The following NFATC2IP variants were observed in gnomAD, a reference collection of about 807,000 sequenced individuals.
NFATC2IP encodes nuclear factor of activated T cells 2 interacting protein, also known as NFATC2-interacting protein.
Under a neutral mutation model 40.2 loss-of-function variants are expected in NFATC2IP, and 25 were observed. The ratio of observed to expected loss-of-function variants is 0.62; its 90% CI spans 0.45 to 0.87. NFATC2IP has a LOEUF of 0.87. Ranked by LOEUF, NFATC2IP falls within the 40% of genes least tolerant of loss-of-function variation. The probability of loss-of-function intolerance (pLI) is 0.00; values close to 1 mark genes in which losing one functional copy is unlikely to be tolerated. For missense variants in NFATC2IP, 553 were observed against 555.6 expected (o/e 1.00, Z 0.05); for synonymous variants, 241 against 236.3 (o/e 1.02, Z -0.18).
At chr16:28,958,541 G>T in intron 5 of NFATC2IP, 176 bp from the exon 6 acceptor site, 1 of 585,680 alleles carries the variant, frequency 1.7e-6, no homozygotes, top group Non-Finnish European at 3.1e-6. Flanking sequence ...TGTGTTACTC[G>T]CCTGTACCCC....
At chr16:28,962,829 T>C (rs1965101387) in intron 7 of NFATC2IP, among the ~76,000 whole-genome samples, 1 of 152,154 alleles carries the variant, frequency 6.6e-6, no homozygotes, top group Admixed American at 6.6e-5. Flanking sequence ...TGCACTCCAT[T>C]CTGCCTCTGT....
rs1195051729 is a variant in NFATC2IP, at chr16:28,967,009, C to T, written c.*3146C>T. The T allele has an allele frequency of 6.6e-6, 1 of 152,098 alleles. No homozygotes were observed. Among genetic ancestry groups the T allele is most frequent in the African/African-American group, 2.4e-5 (1 of 41,428 alleles). The allele number at this position is 152,098 out of a possible 1,614,324, so 9.4% of individuals were successfully genotyped here. On this transcript the variant is annotated 3_prime_UTR_variant, in exon 8 of 8. Transcript: ENST00000320805. Reference sequence around the variant, plus strand: ...GACATGGTACAGCTCTTCACTTTTTCAGCTTTTTAAATGTCCATTAATAAG... The same window carrying T: ...GACATGGTACAGCTCTTCACTTTTTTAGCTTTTTAAATGTCCATTAATAAG...
At chr16:28,958,234 G>A (rs1191203366) in intron 5 of NFATC2IP, among the ~76,000 whole-genome samples, 3 of 151,936 alleles carry the variant, frequency 2.0e-5, no homozygotes, top group African/African-American at 7.3e-5. Context: ...TGGATCACCC[G>A]AATTCAAGAG....
intron 5 of NFATC2IP, among the ~76,000 whole-genome samples, chr16:28,958,085 A>G (rs1387747291): frequency 2.0e-5 from 3 of 150,924 alleles, no homozygotes; most frequent in Non-Finnish European, 2.9e-5. Flanking sequence ...CCTGGCCAAT[A>G]TGGTGAAGCC....
chr16:28,953,605 C>T (rs570891630), intron 2 of NFATC2IP, among the ~76,000 whole-genome samples: 27 of 152,178 alleles, frequency 1.8e-4, no homozygotes, highest in South Asian at 8.3e-4. Context: ...ATATGGCATC[C>T]GTTGGAAGCT....
chr16:28,962,530 G>C (rs1965099072), intron 7 of NFATC2IP, among the ~76,000 whole-genome samples: 1 of 152,094 alleles, frequency 6.6e-6, no homozygotes, highest in Non-Finnish European at 1.5e-5. Context: ...GGAGGTTGAG[G>C]GGTGGGGAAA....
Position 28,951,049 on chromosome 16 carries a change from G to C in NFATC2IP, c.38G>C (p.Gly13Ala). 1 of 1,544,936 alleles carries C rather than the reference G, an allele frequency of 6.5e-7. No individual in the cohort carries two copies. Among genetic ancestry groups the C allele is most frequent in the Non-Finnish European group, 8.7e-7 (1 of 1,146,750 alleles). ...GTGGGGAAGCGGGGCCGCTGGTCCG[G>C]AGGTAGCGGTGCCGGCCGAGGGGGT... is the stretch of plus-strand genomic sequence containing the variant. ...EPVGKRGRWSGGSGAGRGGRG... is the reference protein window; with the variant it reads ...EPVGKRGRWSAGSGAGRGGRG... Residue 13 changes from glycine (G) to alanine (A), a missense_variant, in exon 1 of 8, where the codon GGA becomes GCA. Gly to Ala is a moderately conservative substitution (Grantham distance 60). Transcript: ENST00000320805.
chr16:28,952,432 C>A lies in NFATC2IP; in HGVS notation c.460+228C>A, dbSNP rs897926994. The A allele has an allele frequency of 1.3e-5, 8 of 615,762 alleles. 1 individual carries two copies. The highest frequency in any genetic ancestry group is 2.6e-6 in the Non-Finnish European group (1 of 378,644). The allele number at this position is 615,762 out of a possible 1,614,324, so 38.1% of individuals were successfully genotyped here. A position where few individuals can be genotyped will look rare whatever the true frequency, so the allele number is the denominator to read the frequency against. ...GAGATGCTGATTCTGTAGTCCTGGGCGGGGCAGGAGGCGGTAAGGTGTTGA... is the reference window on the plus strand; with the variant it reads ...GAGATGCTGATTCTGTAGTCCTGGGAGGGGCAGGAGGCGGTAAGGTGTTGA... On this transcript the variant is annotated intron_variant, in intron 2 of 7. Coordinates refer to ENST00000320805, the MANE Select transcript of NFATC2IP (RefSeq NM_032815.4).
intron 7 of NFATC2IP, among the ~76,000 whole-genome samples, chr16:28,961,961 T>C (rs1313130828): frequency 1.4e-5 from 2 of 142,690 alleles, no homozygotes; most frequent in African/African-American, 5.1e-5. Flanking sequence ...TGGAGTGCAG[T>C]GGTGCGATCT....
intron 7 of NFATC2IP, 30 bp from the exon 8 acceptor site, chr16:28,963,675 T>A: frequency 6.2e-7 from 1 of 1,609,682 alleles, no homozygotes; most frequent in East Asian, 2.2e-5. Context: ...TTTCATGTTC[T>A]GACGTCCATT....
chr16:28,951,370 C>A lies in NFATC2IP; in HGVS notation c.359C>A (p.Ala120Glu). Residue 120 changes from alanine (A) to glutamate (E), a missense_variant, in exon 1 of 8, where the codon GCG becomes GAG. Coordinates refer to ENST00000320805, the MANE Select transcript of NFATC2IP (RefSeq NM_032815.4). ...RRRLVLDPGE[A>E]PLVPVYSGKV... ...CGGCTGGTGCTGGATCCGGGGGAGG[C>A]GCCGCTGGTTCCGGTGTACTCGGGG... 1.0e-5 allele frequency: 14 copies of A among 1,395,894 alleles called. No individual in the cohort carries two copies. Among genetic ancestry groups the A allele is most frequent in the Non-Finnish European group, 1.3e-5 (14 of 1,076,306 alleles). The allele number at this position is 1,395,894 out of a possible 1,614,324, so 86.5% of individuals were successfully genotyped here. A position where few individuals can be genotyped will look rare whatever the true frequency, so the allele number is the denominator to read the frequency against.
Position 28,951,033 on chromosome 16 carries a change from C to T in NFATC2IP, c.22C>T (p.Arg8Trp), listed in dbSNP as rs1198012633. 4.6e-6 allele frequency: 7 copies of T among 1,521,160 alleles called. No individual in the cohort carries two copies. The highest frequency in any genetic ancestry group is 4.8e-5 in the East Asian group (2 of 41,344). The allele number at this position is 1,521,160 out of a possible 1,614,324, so 94.2% of individuals were successfully genotyped here. ...TGCCATGGCGGAGCCTGTGGGGAAG[C>T]GGGGCCGCTGGTCCGGAGGTAGCGG... MAEPVGK[R>W]GRWSGGSGAG... The change falls in exon 1 of 8, where the codon CGG becomes TGG. Residue 8 changes from arginine to tryptophan, a missense_variant. Transcript: ENST00000320805.
At chr16:28,960,173 G>T (rs1038406354) in intron 7 of NFATC2IP, among the ~76,000 whole-genome samples, 1 of 152,004 alleles carries the variant, frequency 6.6e-6, no homozygotes, top group African/African-American at 2.4e-5. Flanking sequence ...GGTCATGTTG[G>T]GCTAGCCCCA....
chr16:28,963,746 C>A lies in NFATC2IP; in HGVS notation c.1143C>A (p.Ala381=). 1 of 1,613,984 alleles carries A rather than the reference C, an allele frequency of 6.2e-7. No individual in the cohort carries two copies. The highest frequency in any genetic ancestry group is 1.3e-5 in the African/African-American group (1 of 75,052). The change falls in exon 8 of 8, where the codon GCC becomes GCA. Residue 381 remains alanine (A), a synonymous_variant. Coordinates refer to ENST00000320805, the MANE Select transcript of NFATC2IP (RefSeq NM_032815.4). ...LKTLMSHYEE[A]MGLSGRKLSF... Reference sequence around the variant, plus strand: ...CCCTCATGTCCCACTATGAGGAGGCCATGGGACTGTCGGGACGGAAGCTCT... The same window carrying A: ...CCCTCATGTCCCACTATGAGGAGGCAATGGGACTGTCGGGACGGAAGCTCT...
rs1567515181 is a variant in NFATC2IP, at chr16:28,964,287, T to C, written c.*424T>C. ...ACCACGCCTAGCCCAGCAGAGGCCT[T>C]AGTCCCATTTGGGGCTTGGGAGTGA... On this transcript the variant is annotated 3_prime_UTR_variant, in exon 8 of 8. Coordinates refer to ENST00000320805, the MANE Select transcript of NFATC2IP (RefSeq NM_032815.4). 5.8e-6 allele frequency: 1 copy of C among 172,972 alleles called. No homozygotes were observed. Among genetic ancestry groups the C allele is most frequent in the East Asian group, 1.4e-4 (1 of 6,968 alleles). 10.7% of individuals were successfully genotyped at this position (172,972 alleles called of 1,614,324 possible).
Position 28,966,444 on chromosome 16 carries a change from T to TAAAAAAAAAAAAAAAAAAA in NFATC2IP, c.*2584_*2602dup, listed in dbSNP as rs869184973. On this transcript the variant is annotated 3_prime_UTR_variant, in exon 8 of 8. Transcript: ENST00000320805. ...GGCAACACAGCGAGACCTTGTCTCTTAAAAAAAAAAAAAAAAAAAAATGAG... is the reference window on the plus strand; with the variant it reads ...GGCAACACAGCGAGACCTTGTCTCTTAAAAAAAAAAAAAAAAAAAAAAAAAAAAAAAAAAAAAAAATGAG... 1.1e-4 allele frequency: 13 copies of TAAAAAAAAAAAAAAAAAAA among 122,096 alleles called. 1 individual carries two copies. The highest frequency in any genetic ancestry group is 4.1e-4 in the African/African-American group (13 of 31,532). The allele number at this position is 122,096 out of a possible 1,614,324, so 7.6% of individuals were successfully genotyped here. A position where few individuals can be genotyped will look rare whatever the true frequency, so the allele number is the denominator to read the frequency against.
intron 1 of NFATC2IP, among the ~76,000 whole-genome samples, chr16:28,951,752 C>T (rs934998862): frequency 6.6e-6 from 1 of 151,896 alleles, no homozygotes; most frequent in African/African-American, 2.4e-5. Context: ...AGCCAGGGAG[C>T]TGCAGTATTG....
rs148920654 is a variant in NFATC2IP at position 28,959,774 on chromosome 16, G to T, written c.1101+674G>T. ...GTAGAGACAGGGTTTCACCATGTTG[G>T]CCAGGCTGGTCTCAAACTCCTGACC... On this transcript the variant is annotated intron_variant, in intron 7 of 7. Transcript: ENST00000320805. Among the ~76,000 whole-genome samples, 306 of 152,034 alleles carry T rather than the reference G, an allele frequency of 2.0e-3. 3 individuals carry two copies. In the East Asian group the frequency reaches 0.021, roughly 10 times the overall value.
chr16:28,957,978 C>A (rs111925530), intron 5 of NFATC2IP: 3 of 151,798 alleles, frequency 2.0e-5, no homozygotes, highest in African/African-American at 7.3e-5. Context: ...ACTAAAAATA[C>A]AAAAATTAGC....
Sources: allele counts gnomAD v4.1 joint callset (sites outside exome capture counted in the v4.1 genomes callset), GRCh38; gene constraint gnomAD v4.1.1; transcripts MANE v1.5; gene names NCBI Gene and HGNC (gene_info 2026-07-23, HGNC 2026-07-21).